Variants in PTPRN2 observed in about 807,000 individuals in gnomAD.
PTPRN2 encodes protein tyrosine phosphatase receptor type N2.
PTPRN2 carries 74 observed loss-of-function variants against 118.8 expected under a neutral mutation model. The ratio of observed to expected loss-of-function variants is 0.62; its 90% CI spans 0.52 to 0.76. The LOEUF (loss-of-function observed/expected upper bound fraction) is 0.76, where lower values mean the gene tolerates loss of function less well. Ranked by LOEUF, PTPRN2 falls within the 30% of genes least tolerant of loss-of-function variation. PTPRN2 has a pLI of 0.00. For synonymous variants in PTPRN2, 641 were observed against 608.0 expected, an observed-to-expected ratio of 1.05 and a Z score of -0.80; for missense variants, 1,481 against 1,394.4, an observed-to-expected ratio of 1.06 and a Z score of -0.99.
At chr7:158,315,914 C>T (rs900793320) in intron 3 of PTPRN2, among the ~76,000 whole-genome samples, 4 of 152,184 alleles carry the variant, frequency 2.6e-5, no homozygotes, top group African/African-American at 7.2e-5. Flanking sequence ...CCTCTTTCCC[C>T]AGCCACCCTG....
intron 11 of PTPRN2, among the ~76,000 whole-genome samples, chr7:157,942,572 T>C (rs1800213209): frequency 6.6e-6 from 1 of 152,062 alleles, no homozygotes; most frequent in African/African-American, 2.4e-5. Context: ...AATCCTCTCA[T>C]TGAGACTGGG....
At chr7:158,053,391 G>A (rs953798643) in intron 11 of PTPRN2, among the ~76,000 whole-genome samples, 3 of 152,176 alleles carry the variant, frequency 2.0e-5, no homozygotes, top group East Asian at 1.9e-4. Context: ...ACAGCACAGC[G>A]AACTCCGATG....
intron 17 of PTPRN2, among the ~76,000 whole-genome samples, chr7:157,594,282 A>G (rs1036208351): frequency 6.6e-6 from 1 of 152,242 alleles, no homozygotes; most frequent in Non-Finnish European, 1.5e-5. Flanking sequence ...AGGGAATAGG[A>G]AGAGCCTGGG....
At chr7:158,346,339 G>A (rs886944817) in intron 2 of PTPRN2, among the ~76,000 whole-genome samples, 1 of 152,140 alleles carries the variant, frequency 6.6e-6, no homozygotes, top group Non-Finnish European at 1.5e-5. Flanking sequence ...CTCTGCTACT[G>A]TGAGTTCAAT....
chr7:158,330,993 A>G (rs1252789530), intron 2 of PTPRN2, among the ~76,000 whole-genome samples: 17 of 123,046 alleles, frequency 1.4e-4, no homozygotes, highest in Non-Finnish European at 2.9e-4. Flanking sequence ...TCACCATAAG[A>G]GCTGACACCC....
chr7:158,476,241 C>G (rs979288283), intron 2 of PTPRN2, among the ~76,000 whole-genome samples: 1 of 152,196 alleles, frequency 6.6e-6, no homozygotes, highest in African/African-American at 2.4e-5. Context: ...TGAGCTCAAG[C>G]AATTCGCCTG....
intron 11 of PTPRN2, among the ~76,000 whole-genome samples, chr7:157,914,137 G>A (rs1798245874): frequency 6.6e-6 from 1 of 152,066 alleles, no homozygotes. Context: ...TCTCAATATT[G>A]TTTATGATTC....
At chr7:158,355,573 A>G (rs545349478) in intron 2 of PTPRN2, among the ~76,000 whole-genome samples, 1 of 152,326 alleles carries the variant, frequency 6.6e-6, no homozygotes. Flanking sequence ...GAGAGGCAGG[A>G]GCAGTCAGGC....
rs931128227 is a variant in PTPRN2, at chr7:157,868,470, G to A, written c.1788+30203C>T. The A allele has an allele frequency of 3.3e-5, 5 of 152,288 alleles. No individual in the cohort carries two copies. The highest frequency in any genetic ancestry group is 1.2e-4 in the African/African-American group (5 of 41,458). The allele number at this position is 152,288 out of a possible 1,614,324, so 9.4% of individuals were successfully genotyped here. On this transcript the variant is annotated intron_variant, in intron 12 of 22. Coordinates refer to ENST00000389418, the MANE Select transcript of PTPRN2 (RefSeq NM_002847.5). This position sits in a 1 kb window ranked among gnomAD's most constrained non-coding sequence, Gnocchi z 5.2. ...ACCATGCCTGGAGGAAACTGGCCTT[G>A]TGAGTGTCAGGGCTGCGCTGCTGTC...
intron 2 of PTPRN2, among the ~76,000 whole-genome samples, chr7:158,373,048 G>C (rs371097714): frequency 2.2e-4 from 34 of 152,196 alleles, no homozygotes; most frequent in Admixed American, 1.8e-3. Flanking sequence ...AGGGCAGCAC[G>C]GCCGAAGGTT....
chr7:157,952,940 C>T (rs1361609289), intron 11 of PTPRN2, among the ~76,000 whole-genome samples: 1 of 152,084 alleles, frequency 6.6e-6, no homozygotes, highest in African/African-American at 2.4e-5. Context: ...GTCAGCACGG[C>T]AGGTGGGAGA....
At chr7:158,486,946 A>G (rs1019715941) in intron 2 of PTPRN2, among the ~76,000 whole-genome samples, 1 of 152,130 alleles carries the variant, frequency 6.6e-6, no homozygotes, top group Non-Finnish European at 1.5e-5. Flanking sequence ...ACTGTCCCCC[A>G]GCCCCTGGCC....
In PTPRN2 at chr7:157,806,526, G is replaced by A. The variant is rs143356390; in HGVS notation, c.1788+92147C>T. On this transcript the variant is annotated intron_variant, in intron 12 of 22. Coordinates refer to ENST00000389418, the MANE Select transcript of PTPRN2 (RefSeq NM_002847.5). ...AAATGTGTGCAATAGATGCATATAC[G>A]TGTATATGTGTGTATGTATGTATAC... Among the ~76,000 whole-genome samples the A allele has an allele frequency of 3.6e-3, 546 of 152,242 alleles. 2 individuals carry two copies. The highest frequency in any genetic ancestry group is 0.013 in the African/African-American group (529 of 41,524).
At position 158,571,521 on chromosome 7, in the gene PTPRN2, ATTTCTT is replaced by A. The variant is rs1184481454; in HGVS notation, c.112+16031_112+16036del. Among the ~76,000 whole-genome samples the A allele has an allele frequency of 1.7e-3, 201 of 119,692 alleles. 3 individuals are homozygous for A. The highest frequency in any genetic ancestry group is 5.1e-3 in the Middle Eastern group (1 of 198). 78.5% of individuals were successfully genotyped at this position (119,692 alleles called of 152,430 possible). On this transcript the variant is annotated intron_variant, in intron 1 of 22. Transcript: ENST00000389418. ...AAAAAACAAAAAAAAACACACACCT[ATTTCTT>A]TTTTTTTTTTTTTTTTTTTCTTTTG...
chr7:158,298,288 ATTC>A (rs1800637884), intron 3 of PTPRN2, among the ~76,000 whole-genome samples: 1 of 151,904 alleles, frequency 6.6e-6, no homozygotes, highest in South Asian at 2.1e-4. Context: ...TCGTCCTTTT[ATTC>A]TTATTATGAA....
rs573413164 is a variant in PTPRN2, at chr7:157,780,083, G to A, written c.1789-97146C>T. On this transcript the variant is annotated intron_variant, in intron 12 of 22. Coordinates refer to ENST00000389418, the MANE Select transcript of PTPRN2 (RefSeq NM_002847.5). The surrounding 1 kb of genome is among the most constrained non-coding windows in gnomAD (Gnocchi z 4.5). ...GGCTTGGCTAGTTGAATTCTGATTCGATACTTTATAATTAGGGCTCACTAG... is the reference window on the plus strand; with the variant it reads ...GGCTTGGCTAGTTGAATTCTGATTCAATACTTTATAATTAGGGCTCACTAG... Among the ~76,000 whole-genome samples, 1 of 152,246 alleles carries A rather than the reference G, an allele frequency of 6.6e-6. No individual in the cohort carries two copies. The highest frequency in any genetic ancestry group is 1.9e-4 in the East Asian group (1 of 5,180).
rs1287531593 is a variant in PTPRN2, at chr7:157,968,105, A to T, written c.1724-69368T>A. On this transcript the variant is annotated intron_variant, in intron 11 of 22. Transcript: ENST00000389418. ...TTACTACAGCGGAGGGCAGGGGAGG[A>T]CCCACTACTCCAGGATCATTTGTGG... Among the ~76,000 whole-genome samples the T allele has an allele frequency of 6.6e-5, 10 of 152,002 alleles. 1 individual carries two copies. The South Asian group carries it at 2.1e-3, about 32-fold the overall frequency.
Position 157,794,154 on chromosome 7 carries a change from C to T in PTPRN2, c.1788+104519G>A, listed in dbSNP as rs1407316658. On this transcript the variant is annotated intron_variant, in intron 12 of 22. Coordinates refer to ENST00000389418, the MANE Select transcript of PTPRN2 (RefSeq NM_002847.5). The surrounding 1 kb of genome is among the most constrained non-coding windows in gnomAD (Gnocchi z 5.2). ...CACCTCCCCTCGTTCTCTGCTCTGA[C>T]CCGGGCTCGCACCTCTCCTCGTTCT... is the stretch of plus-strand genomic sequence containing the variant. 2.0e-5 allele frequency among the ~76,000 whole-genome samples: 3 copies of T among 151,988 alleles called. No homozygotes were observed. The highest frequency in any genetic ancestry group is 2.9e-5 in the Non-Finnish European group (2 of 67,996).
At chr7:158,307,710 G>T (rs952380958) in intron 3 of PTPRN2, among the ~76,000 whole-genome samples, 6 of 152,148 alleles carry the variant, frequency 3.9e-5, no homozygotes, top group Non-Finnish European at 7.3e-5. Context: ...TGTCACACAT[G>T]TTATGGACTA....
Sources: gnomAD v4.1 joint callset for allele counts (sites outside exome capture counted in the v4.1 genomes callset) on GRCh38, gnomAD v4.1.1 for gene constraint, Gnocchi (gnomAD v3.1) non-coding constraint, MANE v1.5 for transcripts, NCBI Gene and HGNC (gene_info 2026-07-23, HGNC 2026-07-21) for gene names.